The following FREM1 variants were observed in gnomAD, a reference collection of about 807,000 sequenced individuals.
The protein encoded by FREM1 is FRAS1-related extracellular matrix protein 1.
FREM1 carries 220 observed loss-of-function variants against 210.1 expected under a neutral mutation model. That is an observed-to-expected ratio of 1.05 (90% CI 0.94 to 1.17). FREM1 has a LOEUF of 1.17. Among genes scored for constraint, FREM1 ranks in the 50% most tolerant of loss-of-function variants. FREM1 has a pLI of 0.00. For synonymous variants in FREM1, 1,189 were observed against 980.2 expected (o/e 1.21, Z -3.98); for missense variants, 3,454 against 2,675.5 (o/e 1.29, Z -6.42).
intron 1 of FREM1, among the ~76,000 whole-genome samples, chr9:14,898,016 T>A (rs1048110460): frequency 2.0e-5 from 3 of 152,212 alleles, no homozygotes; most frequent in Non-Finnish European, 4.4e-5. Flanking sequence ...CAAATAACTT[T>A]GTAAATAATG....
intron 21 of FREM1, among the ~76,000 whole-genome samples, chr9:14,796,745 G>A (rs1852470839): frequency 1.3e-5 from 2 of 152,146 alleles, no homozygotes; most frequent in African/African-American, 4.8e-5. Context: ...GCTACCATGT[G>A]AAGAAGGATG....
At chr9:14,847,554 C>G (rs192399950) in intron 7 of FREM1, among the ~76,000 whole-genome samples, 1 of 151,914 alleles carries the variant, frequency 6.6e-6, no homozygotes, top group Non-Finnish European at 1.5e-5. Context: ...CAAGGCATCA[C>G]GGAGCACAGC....
At chr9:14,837,454 C>CACACAT in intron 10 of FREM1, among the ~76,000 whole-genome samples, 1 of 143,010 alleles carries the variant, frequency 7.0e-6, no homozygotes, top group Admixed American at 7.1e-5. Flanking sequence ...CACACACACA[C>CACACAT]ACACATACAC....
intron 10 of FREM1, among the ~76,000 whole-genome samples, chr9:14,825,977 T>A (rs1034764522): frequency 6.6e-6 from 1 of 152,112 alleles, no homozygotes; most frequent in Non-Finnish European, 1.5e-5. Context: ...ACAAATGAAA[T>A]AAGTTAATTT....
chr9:14,792,045 A>G lies in FREM1; in HGVS notation c.3981+698T>C, dbSNP rs537915120. On this transcript the variant is annotated intron_variant, in intron 22 of 36. Transcript: ENST00000380880. ...TTTTTAGTAGAGATGGGGTTTCACC[A>G]CGTTGGCCAGGATGGTCTTGATCTC... 1.9e-3 allele frequency among the ~76,000 whole-genome samples: 283 copies of G among 152,178 alleles called. 2 individuals are homozygous for G. Among genetic ancestry groups the G allele is most frequent in the Admixed American group, 2.0e-3 (31 of 15,284 alleles).
At chr9:14,894,784 T>C (rs565048786) in intron 1 of FREM1, among the ~76,000 whole-genome samples, 4 of 152,366 alleles carry the variant, frequency 2.6e-5, no homozygotes, top group African/African-American at 7.2e-5. Flanking sequence ...TGGAAACTAG[T>C]TGTGAGTATT....
chr9:14,875,027 C>T (rs945850604), intron 1 of FREM1, among the ~76,000 whole-genome samples: 35 of 152,238 alleles, frequency 2.3e-4, no homozygotes, highest in African/African-American at 7.5e-4. Context: ...GAGTTTCTGC[C>T]GAGAGATCCG....
intron 2 of FREM1, 42 bp from the exon 3 acceptor site, chr9:14,863,945 T>G: frequency 7.9e-7 from 1 of 1,270,510 alleles, no homozygotes; most frequent in Non-Finnish European, 1.1e-6. Flanking sequence ...ATGAGAAAAT[T>G]GGTACAAGAT....
chr9:14,804,492 G>T (rs1013014809), intron 19 of FREM1, among the ~76,000 whole-genome samples: 1 of 152,200 alleles, frequency 6.6e-6, no homozygotes, highest in African/African-American at 2.4e-5. Context: ...GGCTGAGGCA[G>T]GAGAATGGCG....
chr9:14,872,469 T>C (rs1832856444), intron 1 of FREM1, among the ~76,000 whole-genome samples: 1 of 152,240 alleles, frequency 6.6e-6, no homozygotes, highest in Non-Finnish European at 1.5e-5. Context: ...GCTTTCTGTT[T>C]GTCTTTTATT....
chr9:14,804,852 A>C, intron 19 of FREM1, 104 bp downstream of exon 19: 1 of 767,876 alleles, frequency 1.3e-6, no homozygotes, highest in Non-Finnish European at 2.2e-6. Flanking sequence ...CCCACTCCTC[A>C]CCAATGCAAT....
chr9:14,838,212 T>A (rs1824981798), intron 10 of FREM1, among the ~76,000 whole-genome samples: 1 of 152,268 alleles, frequency 6.6e-6, no homozygotes, highest in Non-Finnish European at 1.5e-5. Flanking sequence ...GCATTGCTCA[T>A]CTGTACTTCC....
rs776414699 is a variant in FREM1 at position 14,816,799 on chromosome 9, T to A, written c.2619A>T (p.Ala873=). 1.4e-5 allele frequency: 20 copies of A among 1,431,204 alleles called. No individual in the cohort carries two copies. Among genetic ancestry groups the A allele is most frequent in the Non-Finnish European group, 1.9e-5 (20 of 1,064,414 alleles). 88.7% of individuals were successfully genotyped at this position (1,431,204 alleles called of 1,614,324 possible). A position where few individuals can be genotyped will look rare whatever the true frequency, so the allele number is the denominator to read the frequency against. ...CCACCTCAACATGTAGTACAAATTC[T>A]GCTGAATTTGTGCCATCGGTGACCT... ...LLEVTDGTNS[A]EFVLHVEVFP... is the part of the protein sequence containing the mutation. Residue 873 remains alanine (A), a synonymous_variant, in exon 15 of 37, where the codon GCA becomes GCT. Transcript: ENST00000380880.
intron 1 of FREM1, among the ~76,000 whole-genome samples, chr9:14,901,824 T>C (rs980939618): frequency 6.6e-6 from 1 of 152,146 alleles, no homozygotes; most frequent in Non-Finnish European, 1.5e-5. Flanking sequence ...ATTCATAATA[T>C]TGACTTTATG....
intron 16 of FREM1, among the ~76,000 whole-genome samples, chr9:14,810,230 A>G (rs1655475694): frequency 6.6e-6 from 1 of 152,160 alleles, no homozygotes; most frequent in African/African-American, 2.4e-5. Flanking sequence ...CACTCTAGAA[A>G]GAGAAGACAG....
In FREM1 at chr9:14,775,986, G is replaced by A. The variant is rs780551664; in HGVS notation, c.4660C>T (p.Gln1554Ter). ...FLLVQLPQHG[Q>*]LYLWGTGLLQ... ...AGCCCTGTCCCCCACAGGTAGAGCT[G>A]GCCATGCTGGGGGAGCTGAACCAAG... The change falls in exon 25 of 37, where the codon CAG (glutamine) becomes TAG (stop). Residue 1554 changes from glutamine (Q) to a stop codon, truncating the protein, a stop_gained. Transcript: ENST00000380880. LOFTEE classifies it high-confidence loss of function. 8.1e-6 allele frequency: 13 copies of A among 1,613,922 alleles called. No individual in the cohort carries two copies. In the African/African-American group the frequency reaches 1.3e-4, roughly 17 times the overall value.
intron 8 of FREM1, among the ~76,000 whole-genome samples, chr9:14,843,550 G>C (rs1826064690): frequency 6.6e-6 from 1 of 152,150 alleles, no homozygotes; most frequent in Non-Finnish European, 1.5e-5. Context: ...TACATAGATA[G>C]ACATTCTGTT....
chr9:14,766,123 C>T (rs1846357964), intron 27 of FREM1, among the ~76,000 whole-genome samples: 1 of 152,112 alleles, frequency 6.6e-6, no homozygotes, highest in Non-Finnish European at 1.5e-5. Context: ...TCTCCAGTGA[C>T]TTCAGGATAA....
At chr9:14,829,914 G>A (rs575161275) in intron 10 of FREM1, among the ~76,000 whole-genome samples, 86 of 152,284 alleles carry the variant, frequency 5.6e-4, no homozygotes, top group African/African-American at 1.9e-3. Context: ...AAGGATAGAT[G>A]AGAGATGCAG....
Sources: gnomAD v4.1 joint callset for allele counts (sites outside exome capture counted in the v4.1 genomes callset) on GRCh38, gnomAD v4.1.1 for gene constraint, MANE v1.5 for transcripts, NCBI Gene and HGNC (gene_info 2026-07-23, HGNC 2026-07-21) for gene names.